LOC112694756: variants seen among roughly 807,000 people sequenced by gnomAD.
chr16:30,063,876 A>T, the LOC112694756 span: 1 of 398,896 alleles, frequency 2.5e-6, no homozygotes, highest in Non-Finnish European at 4.4e-6. Context: ...GGGAGCGGCC[A>T]GCCCCCAGGG....
At chr16:30,053,191 T>A in the LOC112694756 span, 1 of 152,526 alleles carries the variant, frequency 6.6e-6, no homozygotes, top group East Asian at 1.9e-4. Context: ...GCGGAATCCG[T>A]GAATTGCCCG....
the LOC112694756 span, chr16:30,054,464 G>A: frequency 2.6e-5 from 6 of 228,950 alleles, no homozygotes; most frequent in East Asian, 5.2e-4. Context: ...ACAGGAGCCG[G>A]TAATGTGGGC....
the LOC112694756 span, among the ~76,000 whole-genome samples, chr16:30,058,245 T>C: frequency 6.6e-6 from 1 of 152,184 alleles, no homozygotes; most frequent in African/African-American, 2.4e-5. Flanking sequence ...GCAGGTTCTT[T>C]CTGTCCTTGA....
the LOC112694756 span, chr16:30,064,516 A>C: frequency 5.0e-6 from 2 of 398,606 alleles, no homozygotes; most frequent in Admixed American, 8.8e-5. Flanking sequence ...GTGAGTGGGC[A>C]GGGGCTCCCT....
chr16:30,068,569 CT>C, the LOC112694756 span: 1 of 1,518,464 alleles, frequency 6.6e-7, no homozygotes, highest in Admixed American at 1.7e-5. Flanking sequence ...CACCACTGTA[CT>C]CCAGCCGGGG....
chr16:30,058,331 T>C, the LOC112694756 span, among the ~76,000 whole-genome samples: 1 of 152,162 alleles, frequency 6.6e-6, no homozygotes, highest in African/African-American at 2.4e-5. Context: ...AGGTTACAAA[T>C]GTCTTGCCAC....
chr16:30,060,136 G>A, the LOC112694756 span, among the ~76,000 whole-genome samples: 1 of 151,860 alleles, frequency 6.6e-6, no homozygotes, highest in Non-Finnish European at 1.5e-5. Context: ...GCGCCACCAT[G>A]CCCAGCTAAT....
chr16:30,057,208 C>T, the LOC112694756 span, among the ~76,000 whole-genome samples: 1 of 152,160 alleles, frequency 6.6e-6, no homozygotes, highest in African/African-American at 2.4e-5. Flanking sequence ...CCGGGCTCAG[C>T]CTCTACTTGC....
chr16:30,066,827 C>T, the LOC112694756 span: 3 of 1,512,370 alleles, frequency 2.0e-6, no homozygotes, highest in Non-Finnish European at 2.7e-6. Context: ...GTGTTGGGCC[C>T]TCTGCTTGAT....
At chr16:30,070,360 C>T in the LOC112694756 span, 5 of 722,030 alleles carry the variant, frequency 6.9e-6, no homozygotes, top group East Asian at 2.7e-5. Context: ...TCTGTGAATG[C>T]TAAGTCCATC....
At chr16:30,070,323 C>T in the LOC112694756 span, 597 of 993,296 alleles carry the variant, frequency 6.0e-4, 3 homozygotes, top group African/African-American at 8.5e-3. Context: ...GCTCTTTCTT[C>T]CCTCGTGACA....
chr16:30,067,944 T>C, the LOC112694756 span: 6 of 510,302 alleles, frequency 1.2e-5, no homozygotes, highest in Non-Finnish European at 2.1e-5. Context: ...TCAACATTTC[T>C]GTTGTCAAAT....
the LOC112694756 span, chr16:30,067,629 A>G: frequency 6.2e-7 from 1 of 1,613,994 alleles, no homozygotes; most frequent in African/African-American, 1.3e-5. Flanking sequence ...CCCCCAAGTT[A>G]TCAAATCCAA....
the LOC112694756 span, chr16:30,066,906 G>A: frequency 6.5e-7 from 1 of 1,550,338 alleles, no homozygotes; most frequent in Admixed American, 2.0e-5. Context: ...CCATGGCAAG[G>A]CGCAAGCCAG....
the LOC112694756 span, chr16:30,053,482 C>T: frequency 6.5e-6 from 1 of 153,116 alleles, no homozygotes; most frequent in Non-Finnish European, 1.5e-5. Flanking sequence ...CTGACTGGCT[C>T]TGCCCTTCCC....
the LOC112694756 span, among the ~76,000 whole-genome samples, chr16:30,056,911 CTTT>C: frequency 1.5e-5 from 2 of 137,560 alleles, no homozygotes; most frequent in Non-Finnish European, 1.6e-5. Context: ...TCTACTTGCC[CTTT>C]TTTTTTTTTT....
the LOC112694756 span, chr16:30,068,383 A>T: frequency 6.5e-5 from 33 of 511,598 alleles, no homozygotes; most frequent in African/African-American, 6.3e-4. Flanking sequence ...AAATATTTTA[A>T]TTGTAACTAA....
chr16:30,055,460 T>C, the LOC112694756 span: 107 of 397,862 alleles, frequency 2.7e-4, no homozygotes, highest in Non-Finnish European at 3.1e-4. Context: ...GCATGAATCA[T>C]GTGCAGCCAG....
chr16:30,065,828 G>T, the LOC112694756 span: 1 of 152,836 alleles, frequency 6.5e-6, no homozygotes, highest in Admixed American at 6.5e-5. Flanking sequence ...GCCGCAGAAG[G>T]GGTCCTGGTG....
Sources: allele counts gnomAD v4.1 joint callset (sites outside exome capture counted in the v4.1 genomes callset), GRCh38; gene constraint gnomAD v4.1.1; transcripts MANE v1.5.